Variants in DTX1 observed in about 807,000 individuals in gnomAD.
DTX1 encodes the protein deltex E3 ubiquitin ligase 1.
In DTX1, 26 loss-of-function variants were observed where a neutral mutation model predicts 57.8. That is an observed-to-expected ratio of 0.45 (90% confidence interval 0.33 to 0.62). The LOEUF is 0.62. Ranked by LOEUF, DTX1 falls within the 20% of genes least tolerant of loss-of-function variation. The pLI, the probability that DTX1 is intolerant of heterozygous loss-of-function variation, is 0.02. For missense variants in DTX1, 704 were observed against 895.3 expected (o/e 0.79, Z 2.73); for synonymous variants, 398 against 394.1 (o/e 1.01, Z -0.12).
Position 113,097,192 on chromosome 12 carries a change from C to A in DTX1, c.*253C>A. On this transcript the variant is annotated 3_prime_UTR_variant, in exon 10 of 10. Coordinates refer to ENST00000548759, the MANE Select transcript of DTX1 (RefSeq NM_004416.3). Reference sequence around the variant, plus strand: ...CCTCCCTACCAAAAAGACAGAGACCCGCCCCCTCACACACAAACACACATG... The same window carrying A: ...CCTCCCTACCAAAAAGACAGAGACCAGCCCCCTCACACACAAACACACATG... 1 of 510,010 alleles carries A rather than the reference C, an allele frequency of 2.0e-6. No individual in the cohort carries two copies. Among genetic ancestry groups the A allele is most frequent in the Non-Finnish European group, 3.5e-6 (1 of 283,406 alleles). 31.6% of individuals were successfully genotyped at this position (510,010 alleles called of 1,614,324 possible). A position where few individuals can be genotyped will look rare whatever the true frequency, so the allele number is the denominator to read the frequency against.
In DTX1 at chr12:113,095,137, C is replaced by T. The variant is rs372810439; in HGVS notation, c.1482C>T (p.His494=). Residue 494 remains histidine (H), a synonymous_variant, in exon 8 of 10, where the codon CAC becomes CAT. Transcript: ENST00000548759. The stretch of plus-strand genomic sequence containing the variant: ...AGATGGAGTTCCACCTCATCCCCCA[C>T]TCGCTGCCCGGCTTCCCTGATACCC... The part of the protein sequence containing the change: ...PGKMEFHLIP[H]SLPGFPDTQT... The T allele has an allele frequency of 3.7e-6, 6 of 1,613,692 alleles. No individual in the cohort carries two copies. Among genetic ancestry groups the T allele is most frequent in the East Asian group, 2.2e-5 (1 of 44,878 alleles).
intron 8 of DTX1, 60 bp from the exon 9 acceptor site, chr12:113,095,265 C>T (rs1261979723): frequency 1.9e-6 from 3 of 1,610,666 alleles, no homozygotes; most frequent in Non-Finnish European, 2.5e-6. Flanking sequence ...CCTCCAGATG[C>T]TTCTCCACCC....
At chr12:113,081,497 A>T (rs1371071406) in intron 3 of DTX1, among the ~76,000 whole-genome samples, 1 of 152,224 alleles carries the variant, frequency 6.6e-6, no homozygotes, top group African/African-American at 2.4e-5. Context: ...GCACACAGAC[A>T]GATGGGGAGA....
chr12:113,092,790 T>C (rs1475625456), intron 3 of DTX1, among the ~76,000 whole-genome samples: 2 of 152,214 alleles, frequency 1.3e-5, no homozygotes, highest in Non-Finnish European at 2.9e-5. Context: ...ATGCTACATC[T>C]AACAAGCTTT....
intron 2 of DTX1, among the ~76,000 whole-genome samples, chr12:113,069,116 A>T (rs1234537165): frequency 6.6e-6 from 1 of 152,216 alleles, no homozygotes; most frequent in Admixed American, 6.5e-5. Flanking sequence ...CCTGGCACAT[A>T]GTAGGCCCTC....
At position 113,077,980 on chromosome 12, in the gene DTX1, T is replaced by C. The variant is rs1474334399; in HGVS notation, c.816T>C (p.Pro272=). ...PAAGPAEPAP[P]PGAPPRSPGA... ...CCGGCCCCGCCGAGCCCGCGCCGCC[T>C]CCCGGGGCGCCCCCACGGAGCCCGG... Residue 272 remains proline (P), a synonymous_variant, in exon 3 of 10, where the codon CCT becomes CCC. Coordinates refer to ENST00000548759, the MANE Select transcript of DTX1 (RefSeq NM_004416.3). The surrounding 1 kb of genome is among the most constrained non-coding windows in gnomAD (Gnocchi z 7.8). The C allele has an allele frequency of 1.4e-5, 14 of 1,033,056 alleles. No individual in the cohort carries two copies. The highest frequency in any genetic ancestry group is 1.6e-5 in the Non-Finnish European group (14 of 862,600). The allele number at this position is 1,033,056 out of a possible 1,614,324, so 64.0% of individuals were successfully genotyped here.
At chr12:113,076,458 G>GA (rs56382675) in intron 2 of DTX1, among the ~76,000 whole-genome samples, 6,640 of 126,468 alleles carry the variant, frequency 0.053, 194 homozygotes, top group South Asian at 0.11. Context: ...ACTCTGCCTG[G>GA]AAAAAAAAAA....
intron 3 of DTX1, among the ~76,000 whole-genome samples, chr12:113,087,203 C>T (rs1020494125): frequency 4.6e-5 from 7 of 152,124 alleles, no homozygotes; most frequent in Non-Finnish European, 1.0e-4. Context: ...AAATGTCTCC[C>T]GAGGGGACTT....
intron 2 of DTX1, among the ~76,000 whole-genome samples, chr12:113,073,678 C>T (rs1241975303): frequency 1.3e-5 from 2 of 152,222 alleles, no homozygotes; most frequent in Non-Finnish European, 2.9e-5. Flanking sequence ...AGAGGACAAG[C>T]TCTTTCAGCC....
intron 2 of DTX1, among the ~76,000 whole-genome samples, chr12:113,059,631 G>A (rs2044652985): frequency 1.3e-5 from 2 of 152,084 alleles, no homozygotes; most frequent in South Asian, 4.2e-4. Context: ...CTGCCGTGCA[G>A]AAGCAGCCTA....
At chr12:113,061,300 C>T (rs2136422726) in intron 2 of DTX1, among the ~76,000 whole-genome samples, 1 of 152,344 alleles carries the variant, frequency 6.6e-6, no homozygotes, top group Admixed American at 6.5e-5. Context: ...GCCTGGAAAC[C>T]TATTGCGATT....
intron 2 of DTX1, among the ~76,000 whole-genome samples, chr12:113,062,914 G>A (rs1414561201): frequency 6.6e-6 from 1 of 152,298 alleles, no homozygotes; most frequent in African/African-American, 2.4e-5. Context: ...CAGGTCCAGA[G>A]CCCAGAGTCT....
chr12:113,068,583 T>G (rs1377118795), intron 2 of DTX1, among the ~76,000 whole-genome samples: 1 of 152,164 alleles, frequency 6.6e-6, no homozygotes, highest in Non-Finnish European at 1.5e-5. Context: ...AAAAAATAGC[T>G]GGAATTTTGG....
chr12:113,089,505 T>G (rs1257335682), intron 3 of DTX1, among the ~76,000 whole-genome samples: 3 of 152,066 alleles, frequency 2.0e-5, no homozygotes, highest in African/African-American at 7.2e-5. Context: ...GAAGGCTGGC[T>G]CCCCTTCCGG....
intron 3 of DTX1, among the ~76,000 whole-genome samples, chr12:113,087,586 G>C (rs2044871583): frequency 6.6e-6 from 1 of 152,130 alleles, no homozygotes; most frequent in African/African-American, 2.4e-5. Context: ...AGGAGAAAGG[G>C]AGAGGGTGGG....
chr12:113,087,959 A>G (rs1156882829), intron 3 of DTX1, among the ~76,000 whole-genome samples: 1 of 152,174 alleles, frequency 6.6e-6, no homozygotes, highest in Non-Finnish European at 1.5e-5. Context: ...CAATGGATCC[A>G]GTTAGACAGC....
Position 113,095,381 on chromosome 12 carries a change from C to A in DTX1, c.1605C>A (p.His535Gln). 1.9e-6 allele frequency: 3 copies of A among 1,614,246 alleles called. No individual in the cohort carries two copies. The highest frequency in any genetic ancestry group is 2.5e-6 in the Non-Finnish European group (3 of 1,180,048). ...TCACCGCAAGAGGATTCCCTCGCCA[C>A]TGCTATCTACCCAACAACGAGAAAG... ...KKFTARGFPR[H>Q]CYLPNNEKGR... is the part of the protein sequence containing the mutation. Residue 535 changes from histidine to glutamine, a missense_variant, in exon 9 of 10, where the codon CAC (histidine) becomes CAA (glutamine). Physicochemically the swap from His to Gln is conservative, Grantham distance 24. This residue lies in a region of DTX1 where 168 missense variants were observed against 255.6 expected (regional missense o/e 0.66). Coordinates refer to ENST00000548759, the MANE Select transcript of DTX1 (RefSeq NM_004416.3).
At chr12:113,095,007 G>A (rs764480308) in intron 7 of DTX1, 35 bp from the exon 8 acceptor site, 9 of 1,604,098 alleles carry the variant, frequency 5.6e-6, no homozygotes, top group Non-Finnish European at 7.7e-6. Flanking sequence ...GTTTGGGGGG[G>A]TGCTGGGAAC....
chr12:113,096,623 T>A, intron 9 of DTX1, 92 bp from the exon 10 acceptor site: 11 of 1,238,462 alleles, frequency 8.9e-6, no homozygotes, highest in Non-Finnish European at 1.2e-5. Context: ...AAGGTAGCCA[T>A]GATGTGGCAG....
Sources: allele counts gnomAD v4.1 joint callset (sites outside exome capture counted in the v4.1 genomes callset), GRCh38; gene constraint gnomAD v4.1.1; regional missense constraint gnomAD v4.1.1; non-coding constraint Gnocchi (gnomAD v3.1); transcripts MANE v1.5; gene names NCBI Gene and HGNC (gene_info 2026-07-23, HGNC 2026-07-21).